SDK1: variants seen among roughly 807,000 people sequenced by gnomAD.
SDK1 encodes the protein sidekick cell adhesion molecule 1, also known as protein sidekick-1.
In SDK1, 157 loss-of-function variants were observed where a neutral mutation model predicts 245.5. That is an observed-to-expected ratio of 0.64 (90% CI 0.56 to 0.73). The LOEUF (loss-of-function observed/expected upper bound fraction) is 0.73. SDK1 is among the 30% of genes least tolerant of loss of function. The pLI is 0.00. For missense variants in SDK1, 3,583 were observed against 3,002.3 expected, an observed-to-expected ratio of 1.19 and a Z score of -4.52; for synonymous variants, 1,647 against 1,278.5, an observed-to-expected ratio of 1.29 and a Z score of -6.15.
chr7:4,154,388 T>A (rs916058912), intron 30 of SDK1, among the ~76,000 whole-genome samples: 1 of 152,120 alleles, frequency 6.6e-6, no homozygotes, highest in Non-Finnish European at 1.5e-5. Flanking sequence ...AAGAAAGAGA[T>A]TAGATGGCAG....
chr7:3,614,204 A>G (rs751713060), intron 1 of SDK1, among the ~76,000 whole-genome samples: 14 of 152,174 alleles, frequency 9.2e-5, no homozygotes, highest in Non-Finnish European at 1.8e-4. Context: ...AACCTATATT[A>G]TCCACACAGA....
chr7:4,158,438 C>T lies in SDK1; in HGVS notation c.4626-10C>T. 1 of 1,609,410 alleles carries T rather than the reference C, an allele frequency of 6.2e-7. No homozygotes were observed. Among genetic ancestry groups the T allele is most frequent in the Non-Finnish European group, 8.5e-7 (1 of 1,176,670 alleles). ...GGGCCCCGGCAGTCACGGTCTCTTC[C>T]ACATTGCAGACTGAGGCCCTTCACC... On this transcript the variant is annotated splice_polypyrimidine_tract_variant and intron_variant, in intron 30 of 44. Coordinates refer to ENST00000404826, the MANE Select transcript of SDK1 (RefSeq NM_152744.4).
chr7:3,566,288 G>C (rs1341984269), intron 1 of SDK1, among the ~76,000 whole-genome samples: 8 of 148,676 alleles, frequency 5.4e-5, no homozygotes, highest in Non-Finnish European at 1.0e-4. Context: ...GCAGTGGCGC[G>C]ATCTTGGCTC....
intron 40 of SDK1, among the ~76,000 whole-genome samples, chr7:4,230,999 G>A (rs1184785622): frequency 6.6e-6 from 1 of 152,192 alleles, no homozygotes; most frequent in East Asian, 1.9e-4. Context: ...GAATAAGGGA[G>A]TGAGGCAGGG....
Position 3,301,797 on chromosome 7 carries a change from C to A in SDK1, c.211C>A (p.Arg71=). 3 of 1,033,548 alleles carry A rather than the reference C, an allele frequency of 2.9e-6. No individual in the cohort carries two copies. Among genetic ancestry groups the A allele is most frequent in the South Asian group, 4.4e-5 (1 of 22,506 alleles). The allele number at this position is 1,033,548 out of a possible 1,614,324, so 64.0% of individuals were successfully genotyped here. ...DTAGAGRCGG[R]RAAKLGPGRR... ...GGCGGGCGCGGGGCGGTGCGGCGGG[C>A]GGCGGGCGGCAAAGTTGGGGCCGGG... Residue 71 remains arginine, a synonymous_variant, in exon 1 of 45, where the codon CGG becomes AGG. Transcript: ENST00000404826.
At chr7:4,146,731 A>C (rs1584289551) in intron 29 of SDK1, among the ~76,000 whole-genome samples, 1 of 152,220 alleles carries the variant, frequency 6.6e-6, no homozygotes, top group Non-Finnish European at 1.5e-5. Flanking sequence ...CCCAATGAGA[A>C]CTGCCGGGCG....
chr7:4,111,073 C>G (rs988705190), intron 23 of SDK1, among the ~76,000 whole-genome samples: 2 of 152,132 alleles, frequency 1.3e-5, no homozygotes, highest in African/African-American at 4.8e-5. Flanking sequence ...CCACAGGCAG[C>G]AGAGATGTGG....
chr7:3,496,168 C>A (rs145792734), intron 1 of SDK1, among the ~76,000 whole-genome samples: 24 of 152,268 alleles, frequency 1.6e-4, no homozygotes, highest in African/African-American at 5.3e-4. Context: ...TCTGTCACTG[C>A]TGCCTCCTCA....
chr7:3,527,708 G>A (rs1034192673), intron 1 of SDK1, among the ~76,000 whole-genome samples: 1 of 150,770 alleles, frequency 6.6e-6, no homozygotes, highest in Non-Finnish European at 1.5e-5. Flanking sequence ...CTGGATGATA[G>A]CCAACTAGGG....
At chr7:3,388,329 G>A (rs1781660410) in intron 1 of SDK1, among the ~76,000 whole-genome samples, 2 of 149,906 alleles carry the variant, frequency 1.3e-5, no homozygotes, top group Admixed American at 6.6e-5. Flanking sequence ...TCTGTCAAAC[G>A]CTATGTGATT....
chr7:3,625,814 T>G (rs757858288), intron 2 of SDK1, among the ~76,000 whole-genome samples: 106 of 151,830 alleles, frequency 7.0e-4, no homozygotes, highest in Non-Finnish European at 1.0e-3. Context: ...ATAGGAGGCA[T>G]GGGTTGAGGC....
Position 3,593,435 on chromosome 7 carries a change from A to C in SDK1, c.299-25645A>C, listed in dbSNP as rs190372154. Reference sequence around the variant, plus strand: ...TCTCCAAACCTAGCTTTACTCAAAGACCTTGGTGGTTTGGAAGTGCTCAGC... The same window carrying C: ...TCTCCAAACCTAGCTTTACTCAAAGCCCTTGGTGGTTTGGAAGTGCTCAGC... On this transcript the variant is annotated intron_variant, in intron 1 of 44. Transcript: ENST00000404826. Among the ~76,000 whole-genome samples the C allele has an allele frequency of 9.9e-5, 15 of 152,184 alleles. No individual in the cohort carries two copies. The East Asian group carries it at 2.7e-3, about 27-fold the overall frequency.
rs777016774 is a variant in SDK1, at chr7:4,268,727, C to T, written c.*3343C>T. 7.3e-7 allele frequency: 1 copy of T among 1,367,706 alleles called. No homozygotes were observed. Among genetic ancestry groups the T allele is most frequent in the Non-Finnish European group, 9.8e-7 (1 of 1,021,990 alleles). The allele number at this position is 1,367,706 out of a possible 1,614,324, so 84.7% of individuals were successfully genotyped here. ...CCCGTCTGCGTACCTAAGTGTGGCTCCCCGTGGGTCAGCGTCCTGGTAGCA... is the reference window on the plus strand; with the variant it reads ...CCCGTCTGCGTACCTAAGTGTGGCTTCCCGTGGGTCAGCGTCCTGGTAGCA... On this transcript the variant is annotated 3_prime_UTR_variant, in exon 45 of 45. Transcript: ENST00000404826.
chr7:3,497,625 T>C (rs1216581997), intron 1 of SDK1, among the ~76,000 whole-genome samples: 1 of 152,186 alleles, frequency 6.6e-6, no homozygotes, highest in Non-Finnish European at 1.5e-5. Context: ...CTCCCTGATA[T>C]CAGACACAGT....
intron 21 of SDK1, among the ~76,000 whole-genome samples, chr7:4,077,605 C>A (rs931524624): frequency 1.3e-5 from 2 of 152,310 alleles, no homozygotes; most frequent in East Asian, 3.9e-4. Context: ...CTTACAGTTC[C>A]GTATGGTTGG....
At chr7:3,347,522 G>A (rs984836738) in intron 1 of SDK1, among the ~76,000 whole-genome samples, 7 of 152,128 alleles carry the variant, frequency 4.6e-5, no homozygotes, top group South Asian at 2.1e-4. Flanking sequence ...CAAATGTGCC[G>A]TTGAAGGTGA....
chr7:3,820,362 A>G (rs1037106182), intron 4 of SDK1, among the ~76,000 whole-genome samples: 12 of 152,070 alleles, frequency 7.9e-5, no homozygotes, highest in African/African-American at 1.7e-4. Flanking sequence ...GTTGGCCAGG[A>G]TGGTCTCGAT....
intron 1 of SDK1, among the ~76,000 whole-genome samples, chr7:3,314,082 G>C (rs1199433227): frequency 6.6e-6 from 1 of 152,148 alleles, no homozygotes; most frequent in African/African-American, 2.4e-5. Context: ...GCGCCAATGT[G>C]CAGATGACCC....
chr7:3,595,193 T>G (rs1364900982), intron 1 of SDK1, among the ~76,000 whole-genome samples: 1 of 121,560 alleles, frequency 8.2e-6, no homozygotes, highest in Admixed American at 9.1e-5. Flanking sequence ...ATTAACACTG[T>G]TTTTTTCTGC....
Sources: gnomAD v4.1 joint callset for allele counts (sites outside exome capture counted in the v4.1 genomes callset) on GRCh38, gnomAD v4.1.1 for gene constraint, MANE v1.5 for transcripts, NCBI Gene and HGNC (gene_info 2026-07-23, HGNC 2026-07-21) for gene names.